The following CDK14 variants were observed in gnomAD, a reference collection of about 807,000 sequenced individuals.
CDK14 encodes cyclin dependent kinase 14, also known as cyclin-dependent kinase 14.
A neutral mutation model predicts 60.7 loss-of-function variants in CDK14; 34 were observed. That is an observed-to-expected ratio of 0.56 (90% CI 0.43 to 0.75). CDK14 has a LOEUF of 0.75. Ranked by LOEUF, CDK14 falls within the 30% of genes least tolerant of loss-of-function variation. CDK14 has a pLI of 0.00. For synonymous variants in CDK14, 197 were observed against 203.7 expected, an observed-to-expected ratio of 0.97 and a Z score of 0.28; for missense variants, 482 against 564.1, an observed-to-expected ratio of 0.85 and a Z score of 1.47.
chr7:91,100,354 A>G (rs1799115621), intron 12 of CDK14, among the ~76,000 whole-genome samples: 1 of 152,202 alleles, frequency 6.6e-6, no homozygotes, highest in Non-Finnish European at 1.5e-5. Context: ...TGCAAAAGGA[A>G]TTAAAGTGGA....
At chr7:90,775,461 C>T (rs1370576050) in intron 4 of CDK14, among the ~76,000 whole-genome samples, 1 of 151,984 alleles carries the variant, frequency 6.6e-6, no homozygotes, top group Non-Finnish European at 1.5e-5. Context: ...AAAAAAGCTA[C>T]TACAGATAAA....
chr7:90,802,279 T>C (rs16867987), intron 5 of CDK14, among the ~76,000 whole-genome samples: 23,625 of 152,210 alleles, frequency 0.16, 1,940 homozygotes, highest in Middle Eastern at 0.25. Context: ...TCAAGGGTCT[T>C]AATAACTTTT....
intron 11 of CDK14, among the ~76,000 whole-genome samples, chr7:91,046,358 T>C (rs1797234542): frequency 6.6e-6 from 1 of 152,198 alleles, no homozygotes; most frequent in Non-Finnish European, 1.5e-5. Flanking sequence ...ATTTTTATTT[T>C]TTTACAAAAC....
intron 14 of CDK14, among the ~76,000 whole-genome samples, chr7:91,139,980 G>A (rs1476790522): frequency 6.6e-6 from 1 of 151,848 alleles, no homozygotes; most frequent in Non-Finnish European, 1.5e-5. Flanking sequence ...ACACAACCAG[G>A]ACAACACTGA....
chr7:90,628,414 T>C (rs1416278147), intron 2 of CDK14, among the ~76,000 whole-genome samples: 1 of 152,242 alleles, frequency 6.6e-6, no homozygotes, highest in African/African-American at 2.4e-5. Context: ...TTACTGATTC[T>C]TAAATGTAGA....
chr7:91,105,746 A>T (rs1314035582), intron 12 of CDK14, among the ~76,000 whole-genome samples: 1 of 152,190 alleles, frequency 6.6e-6, no homozygotes, highest in Non-Finnish European at 1.5e-5. Context: ...CCTGTCACCC[A>T]GCATTTTAGG....
At chr7:90,962,206 G>T (rs1179123869) in intron 9 of CDK14, among the ~76,000 whole-genome samples, 1 of 152,144 alleles carries the variant, frequency 6.6e-6, no homozygotes, top group East Asian at 1.9e-4. Flanking sequence ...CTAGTGTGGG[G>T]CTGGGCATGG....
intron 14 of CDK14, among the ~76,000 whole-genome samples, chr7:91,126,587 A>G (rs1799953572): frequency 6.6e-6 from 1 of 152,128 alleles, no homozygotes; most frequent in African/African-American, 2.4e-5. Flanking sequence ...AAATAAAACT[A>G]TTTTCTCTAC....
intron 11 of CDK14, among the ~76,000 whole-genome samples, chr7:91,066,948 A>G (rs1362053007): frequency 1.3e-5 from 2 of 152,228 alleles, no homozygotes; most frequent in Admixed American, 1.3e-4. Context: ...CTTCTCAGTT[A>G]TGCTGTGAGT....
chr7:90,768,233 A>G (rs549614210), intron 4 of CDK14, among the ~76,000 whole-genome samples: 1 of 152,360 alleles, frequency 6.6e-6, no homozygotes, highest in African/African-American at 2.4e-5. Flanking sequence ...TATAGTTGTA[A>G]ATGTAATTAT....
At chr7:91,048,460 C>A (rs1174442655) in intron 11 of CDK14, among the ~76,000 whole-genome samples, 1 of 152,098 alleles carries the variant, frequency 6.6e-6, no homozygotes, top group African/African-American at 2.4e-5. Context: ...GCATTGAGTA[C>A]CCTTGTGCCT....
At chr7:90,752,561 T>C (rs1803888579) in intron 4 of CDK14, among the ~76,000 whole-genome samples, 2 of 151,948 alleles carry the variant, frequency 1.3e-5, no homozygotes, top group South Asian at 4.1e-4. Context: ...CTAAAAAAAT[T>C]AGAAAGATCT....
At chr7:90,793,322 G>GAA (rs1319978373) in intron 5 of CDK14, among the ~76,000 whole-genome samples, 1 of 152,038 alleles carries the variant, frequency 6.6e-6, no homozygotes, top group Non-Finnish European at 1.5e-5. Flanking sequence ...AATAATATGT[G>GAA]GTAGCATATT....
Position 90,706,275 on chromosome 7 carries a change from C to T in CDK14, c.124-20292C>T, listed in dbSNP as rs192798106. On this transcript the variant is annotated intron_variant, in intron 2 of 14. Transcript: ENST00000380050. ...TGCAGCTTTGCGCTCTCCCTGCTCT[C>T]TTTACTTCTGCTTTATAGTCAGACT... Among the ~76,000 whole-genome samples the T allele has an allele frequency of 1.2e-4, 18 of 152,328 alleles. No individual in the cohort carries two copies. The East Asian group carries it at 3.5e-3, about 29-fold the overall frequency.
At chr7:91,091,501 T>TTTTATATATATATA (rs1369809555) in intron 12 of CDK14, among the ~76,000 whole-genome samples, 3 of 88,972 alleles carry the variant, frequency 3.4e-5, no homozygotes, top group South Asian at 3.4e-4. Flanking sequence ...TTTATATATT[T>TTTTATATATATATA]TATATATATA....
intron 5 of CDK14, among the ~76,000 whole-genome samples, chr7:90,842,494 G>A (rs1790332687): frequency 6.6e-6 from 1 of 152,156 alleles, no homozygotes; most frequent in African/African-American, 2.4e-5. Flanking sequence ...GGAACAAGTG[G>A]CACAGATTGG....
chr7:90,711,121 T>C (rs1011987724), intron 2 of CDK14, among the ~76,000 whole-genome samples: 10 of 152,208 alleles, frequency 6.6e-5, no homozygotes, highest in African/African-American at 2.2e-4. Context: ...TATACAGAAC[T>C]GGCATGTAGC....
chr7:91,043,954 G>C (rs148528598), intron 10 of CDK14, among the ~76,000 whole-genome samples: 2 of 152,256 alleles, frequency 1.3e-5, no homozygotes, highest in Non-Finnish European at 2.9e-5. Flanking sequence ...TTTGAGCCCT[G>C]TATTACCTTA....
chr7:91,048,157 A>G (rs1489454245), intron 11 of CDK14, among the ~76,000 whole-genome samples: 1 of 152,190 alleles, frequency 6.6e-6, no homozygotes, highest in Non-Finnish European at 1.5e-5. Flanking sequence ...CCCTCTGCCA[A>G]CTTCCCCTGA....
Sources: gnomAD v4.1 joint callset for allele counts (sites outside exome capture counted in the v4.1 genomes callset) on GRCh38, gnomAD v4.1.1 for gene constraint, MANE v1.5 for transcripts, NCBI Gene and HGNC (gene_info 2026-07-23, HGNC 2026-07-21) for gene names.